Variants in PON1 observed in about 807,000 individuals in gnomAD.
PON1 encodes the protein paraoxonase 1.
Under a neutral mutation model 39.2 loss-of-function variants are expected in PON1, and 37 were observed. The observed-to-expected ratio is 0.94, with a 90% CI of 0.73 to 1.24. The LOEUF is 1.24. Ranked by LOEUF, PON1 falls within the 50% of genes most tolerant of loss-of-function variation. The pLI is 0.00. For missense variants in PON1, 397 were observed against 413.5 expected, an observed-to-expected ratio of 0.96 and a Z score of 0.35; for synonymous variants, 148 against 152.2, an observed-to-expected ratio of 0.97 and a Z score of 0.21.
chr7:95,317,982 T>C (rs1462033719), intron 2 of PON1, among the ~76,000 whole-genome samples: 1 of 152,174 alleles, frequency 6.6e-6, no homozygotes, highest in East Asian at 1.9e-4. Flanking sequence ...AAAGTTACCT[T>C]TATTCAATGC....
chr7:95,307,904 C>G, intron 6 of PON1, 107 bp downstream of exon 6: 1 of 1,118,948 alleles, frequency 8.9e-7, no homozygotes. Context: ...TTTTATCTCA[C>G]TAGGGTAACA....
At chr7:95,315,063 A>G (rs898414471) in intron 4 of PON1, among the ~76,000 whole-genome samples, 1 of 152,214 alleles carries the variant, frequency 6.6e-6, no homozygotes, top group Admixed American at 6.5e-5. Flanking sequence ...TATTATGGTA[A>G]TTATAGGGAT....
chr7:95,308,229 A>T lies in PON1; in HGVS notation c.498-18T>A, dbSNP rs757017065. The T allele has an allele frequency of 1.9e-6, 3 of 1,601,944 alleles. No homozygotes were observed. The African/African-American group carries it at 4.0e-5, about 21-fold the overall frequency. ...CATTCAAACTGCAATTAAAACATAC[A>T]CACATAATATATAAGGTGAAGGTAT... On this transcript the variant is annotated intron_variant, in intron 5 of 8. Transcript: ENST00000222381.
chr7:95,315,217 G>A (rs112284034), intron 4 of PON1, 105 bp downstream of exon 4: 20 of 1,052,184 alleles, frequency 1.9e-5, no homozygotes, highest in African/African-American at 1.4e-4. Flanking sequence ...CATTATTCAT[G>A]ACTATGCTTT....
Position 95,298,391 on chromosome 7 carries a change from A to AGTC in PON1, c.*550_*552dup, listed in dbSNP as rs1807330573. The AGTC allele has an allele frequency of 6.1e-6, 1 of 163,988 alleles. No individual in the cohort carries two copies. Among genetic ancestry groups the AGTC allele is most frequent in the Non-Finnish European group, 1.4e-5 (1 of 73,890 alleles). The allele number at this position is 163,988 out of a possible 1,614,324, so 10.2% of individuals were successfully genotyped here. ...TTCAGGTTAATATTTACTGAGAAAA[A>AGTC]GTCATATATCGAAGGGAAAATGGGA... On this transcript the variant is annotated 3_prime_UTR_variant, in exon 9 of 9. Coordinates refer to ENST00000222381, the MANE Select transcript of PON1 (RefSeq NM_000446.7).
At position 95,298,814 on chromosome 7, in the gene PON1, T is replaced by C; in HGVS notation, c.*130A>G. The C allele has an allele frequency of 8.7e-7, 1 of 1,151,580 alleles. No homozygotes were observed. The highest frequency in any genetic ancestry group is 1.3e-5 in the South Asian group (1 of 78,128). 71.3% of individuals were successfully genotyped at this position (1,151,580 alleles called of 1,614,324 possible). A position where few individuals can be genotyped will look rare whatever the true frequency, so the allele number is the denominator to read the frequency against. ...CATATCACTCCCAGTTAAACAGTGCTTTGATGCTTCATGATGTCCACATTT... is the reference window on the plus strand; with the variant it reads ...CATATCACTCCCAGTTAAACAGTGCCTTGATGCTTCATGATGTCCACATTT... On this transcript the variant is annotated 3_prime_UTR_variant, in exon 9 of 9. Transcript: ENST00000222381.
intron 2 of PON1, 63 bp downstream of exon 2, chr7:95,318,260 C>T (rs2116323568): frequency 7.2e-7 from 1 of 1,384,618 alleles, no homozygotes; most frequent in Non-Finnish European, 1.0e-6. Flanking sequence ...GCACATTAAT[C>T]ACACAAAGAG....
At chr7:95,314,227 G>T (rs1807716510) in intron 4 of PON1, among the ~76,000 whole-genome samples, 1 of 152,086 alleles carries the variant, frequency 6.6e-6, no homozygotes, top group South Asian at 2.1e-4. Flanking sequence ...AGGCATGGCG[G>T]CATGCACCTG....
intron 8 of PON1, among the ~76,000 whole-genome samples, chr7:95,299,353 A>G (rs947842528): frequency 1.3e-5 from 2 of 152,214 alleles, no homozygotes; most frequent in Non-Finnish European, 1.5e-5. Flanking sequence ...GCAAATGAGC[A>G]GCGCATCCTG....
Position 95,306,319 on chromosome 7 carries a change from T to G in PON1, c.746A>C (p.Glu249Ala). The change falls in exon 7 of 9, where the codon GAA becomes GCA. Residue 249 changes from glutamate (E) to alanine (A), a missense_variant. Coordinates refer to ENST00000222381, the MANE Select transcript of PON1 (RefSeq NM_000446.7). ...ELLAHKIHVYEKHANWTLTPL... is the reference protein window; with the variant it reads ...ELLAHKIHVYAKHANWTLTPL... ...AGTTAAAGTCCAATTAGCATGCTTT[T>G]CATACACATGAATCTTATGAGCCAG... 1.2e-6 allele frequency: 2 copies of G among 1,613,046 alleles called. No homozygotes were observed. The highest frequency in any genetic ancestry group is 1.7e-6 in the Non-Finnish European group (2 of 1,179,216).
chr7:95,318,926 A>G (rs765473651), intron 1 of PON1, among the ~76,000 whole-genome samples: 7 of 152,170 alleles, frequency 4.6e-5, no homozygotes, highest in Admixed American at 3.9e-4. Flanking sequence ...TCACACACAC[A>G]GGTGCACTCA....
chr7:95,309,720 C>A (rs2299256), intron 5 of PON1, among the ~76,000 whole-genome samples: 48,411 of 151,880 alleles, frequency 0.32, 8,749 homozygotes, highest in East Asian at 0.51. Flanking sequence ...AGTAAGAATA[C>A]AATGAAATAA....
At chr7:95,310,807 A>T (rs3917532) in intron 5 of PON1, among the ~76,000 whole-genome samples, 63,982 of 152,062 alleles carry the variant, frequency 0.42, 15,740 homozygotes, top group African/African-American at 0.67. Context: ...CAGAAGATAG[A>T]GTCGGATTGT....
At chr7:95,313,630 G>A (rs991411360) in intron 4 of PON1, among the ~76,000 whole-genome samples, 7 of 151,664 alleles carry the variant, frequency 4.6e-5, no homozygotes, top group Admixed American at 1.3e-4. Context: ...GTGTGTGTGT[G>A]TGTGTGTGTG....
intron 2 of PON1, among the ~76,000 whole-genome samples, chr7:95,317,811 C>T (rs1334802943): frequency 6.6e-6 from 1 of 152,020 alleles, no homozygotes. Context: ...GCATCCTTTG[C>T]AACTAGGGCA....
At chr7:95,309,760 G>A (rs1184313401) in intron 5 of PON1, among the ~76,000 whole-genome samples, 1 of 151,980 alleles carries the variant, frequency 6.6e-6, no homozygotes, top group Admixed American at 6.6e-5. Context: ...ACCATGCCTG[G>A]CATACAGTAA....
At chr7:95,306,150 G>T in intron 7 of PON1, 135 bp downstream of exon 7, 1 of 751,820 alleles carries the variant, frequency 1.3e-6, no homozygotes, top group Non-Finnish European at 2.4e-6. Flanking sequence ...CCAAGCTAAT[G>T]ACTCTTAATA....
At chr7:95,305,060 T>A (rs1807511625) in intron 7 of PON1, among the ~76,000 whole-genome samples, 2 of 152,250 alleles carry the variant, frequency 1.3e-5, no homozygotes. Flanking sequence ...TTACTTGAGC[T>A]AATACCAAAC....
intron 8 of PON1, among the ~76,000 whole-genome samples, chr7:95,301,805 T>C (rs1415433810): frequency 3.3e-5 from 5 of 151,744 alleles, no homozygotes; most frequent in African/African-American, 1.2e-4. Flanking sequence ...AATTGAGAAT[T>C]GGCCGGGCAC....
Sources: gnomAD v4.1 joint callset for allele counts (sites outside exome capture counted in the v4.1 genomes callset) on GRCh38, gnomAD v4.1.1 for gene constraint, MANE v1.5 for transcripts, NCBI Gene and HGNC (gene_info 2026-07-23, HGNC 2026-07-21) for gene names.